The following RGSL1 variants were observed in gnomAD, a reference collection of about 807,000 sequenced individuals.
RGSL1 encodes the protein regulator of G protein signaling like 1, also known as regulator of G protein signaling protein-like.
A neutral mutation model predicts 124.7 loss-of-function variants in RGSL1; 97 were observed. The observed-to-expected ratio is 0.78, with a 90% CI of 0.66 to 0.92. RGSL1 has a LOEUF of 0.92. Among genes scored for constraint, RGSL1 ranks in the 40% least tolerant of loss-of-function variants. The pLI is 0.00. For synonymous variants in RGSL1, 424 were observed against 438.1 expected, an observed-to-expected ratio of 0.97 and a Z score of 0.40; for missense variants, 1,233 against 1,288.4, an observed-to-expected ratio of 0.96 and a Z score of 0.66.
intron 6 of RGSL1, among the ~76,000 whole-genome samples, chr1:182,486,635 A>C (rs557511794): frequency 6.6e-6 from 1 of 152,122 alleles, no homozygotes; most frequent in African/African-American, 2.4e-5. Flanking sequence ...GGTGTGAGGC[A>C]TGAGCCACTG....
At chr1:182,481,494 G>A (rs1654704617) in intron 6 of RGSL1, among the ~76,000 whole-genome samples, 1 of 152,124 alleles carries the variant, frequency 6.6e-6, no homozygotes, top group African/African-American at 2.4e-5. Flanking sequence ...TGGCGTCACT[G>A]GTGAATTCCA....
chr1:182,506,126 C>A (rs1656790533), intron 9 of RGSL1, among the ~76,000 whole-genome samples: 1 of 152,002 alleles, frequency 6.6e-6, no homozygotes. Context: ...TTTTCTATTT[C>A]TTTTTATGCC....
chr1:182,515,553 A>AAGGG (rs546420833), intron 9 of RGSL1, among the ~76,000 whole-genome samples: 3 of 109,024 alleles, frequency 2.8e-5, no homozygotes, highest in African/African-American at 1.0e-4. Flanking sequence ...AAAAAAAAAA[A>AAGGG]GGGGGGGGCG....
At chr1:182,495,720 G>A (rs980442035) in intron 9 of RGSL1, among the ~76,000 whole-genome samples, 2 of 152,158 alleles carry the variant, frequency 1.3e-5, no homozygotes, top group Admixed American at 6.5e-5. Context: ...GTCCATTCAT[G>A]AAACAGGTTC....
intron 2 of RGSL1, among the ~76,000 whole-genome samples, chr1:182,455,149 G>A (rs1652193827): frequency 6.6e-6 from 1 of 152,200 alleles, no homozygotes; most frequent in Admixed American, 6.5e-5. Context: ...GAGGCAGTGG[G>A]AGTACAGTAC....
intron 21 of RGSL1, among the ~76,000 whole-genome samples, chr1:182,556,847 T>A (rs1281481628): frequency 6.6e-6 from 1 of 152,000 alleles, no homozygotes; most frequent in East Asian, 1.9e-4. Context: ...AGAAGTAAAA[T>A]GAGTCAGAAT....
At chr1:182,465,463 T>TCACACACC (rs1465821311) in intron 4 of RGSL1, among the ~76,000 whole-genome samples, 1 of 91,882 alleles carries the variant, frequency 1.1e-5, no homozygotes, top group Non-Finnish European at 2.2e-5. Flanking sequence ...GGGCCTATCA[T>TCACACACC]GGGGTGGGGG....
At chr1:182,512,042 T>C (rs1333675075) in intron 9 of RGSL1, among the ~76,000 whole-genome samples, 2 of 152,212 alleles carry the variant, frequency 1.3e-5, no homozygotes, top group African/African-American at 2.4e-5. Flanking sequence ...TGTTCACTGT[T>C]GGTGTATATA....
intron 9 of RGSL1, among the ~76,000 whole-genome samples, chr1:182,500,413 G>A (rs764685750): frequency 1.5e-4 from 23 of 152,220 alleles, no homozygotes; most frequent in Non-Finnish European, 2.6e-4. Context: ...TGATAACTGT[G>A]TTTTATAGTA....
At chr1:182,496,463 T>C (rs1655921283) in intron 9 of RGSL1, among the ~76,000 whole-genome samples, 1 of 152,170 alleles carries the variant, frequency 6.6e-6, no homozygotes, top group African/African-American at 2.4e-5. Context: ...CAATAGCACA[T>C]TGAAGTATTT....
chr1:182,452,206 C>T (rs1651899408), intron 1 of RGSL1, among the ~76,000 whole-genome samples: 1 of 152,048 alleles, frequency 6.6e-6, no homozygotes, highest in Non-Finnish European at 1.5e-5. Context: ...GTAGAGCTGG[C>T]CCATAGCTCA....
At chr1:182,458,716 A>T (rs924427288) in intron 3 of RGSL1, among the ~76,000 whole-genome samples, 1 of 151,668 alleles carries the variant, frequency 6.6e-6, no homozygotes, top group South Asian at 2.1e-4. Flanking sequence ...CTAGCAATTC[A>T]CCCGCCTCGG....
intron 11 of RGSL1, among the ~76,000 whole-genome samples, chr1:182,529,948 T>A (rs1386554049): frequency 6.6e-6 from 1 of 152,126 alleles, no homozygotes; most frequent in African/African-American, 2.4e-5. Flanking sequence ...AAATCCAAGT[T>A]TTTCAAACCA....
chr1:182,449,705 C>T (rs185522770), upstream of RGSL1, among the ~76,000 whole-genome samples: 1 of 152,266 alleles, frequency 6.6e-6, no homozygotes, highest in East Asian at 1.9e-4. Flanking sequence ...GATCACAGCT[C>T]ACAGCAGCCT....
At position 182,474,387 on chromosome 1, in the gene RGSL1, C is replaced by T; in HGVS notation, c.1276C>T (p.His426Tyr). 4 of 1,551,992 alleles carry T rather than the reference C, an allele frequency of 2.6e-6. No homozygotes were observed. The highest frequency in any genetic ancestry group is 2.4e-5 in the East Asian group (1 of 40,918). ...AAAGAATGGGAATGCAATCTTTCGT[C>T]ACTTGCTGGGTGACAGAATCTGCGA... The part of the protein sequence containing the change: ...NKKNGNAIFR[H>Y]LLGDRICELY... Residue 426 changes from histidine (H) to tyrosine (Y), a missense_variant, in exon 6 of 22, where the codon CAC becomes TAC. Coordinates refer to ENST00000294854, the MANE Select transcript of RGSL1 (RefSeq NM_001137669.2).
chr1:182,486,780 A>G (rs562312466), intron 6 of RGSL1, among the ~76,000 whole-genome samples: 25 of 152,216 alleles, frequency 1.6e-4, no homozygotes, highest in African/African-American at 6.0e-4. Flanking sequence ...GGTTCAAGCA[A>G]TTCTCCTGCC....
chr1:182,524,497 A>G (rs1658593766), intron 10 of RGSL1, among the ~76,000 whole-genome samples: 1 of 152,246 alleles, frequency 6.6e-6, no homozygotes, highest in South Asian at 2.1e-4. Flanking sequence ...TCTCTCCATA[A>G]AAGTAAAACT....
At chr1:182,477,964 T>C (rs1654422174) in intron 6 of RGSL1, among the ~76,000 whole-genome samples, 1 of 152,212 alleles carries the variant, frequency 6.6e-6, no homozygotes, top group Admixed American at 6.5e-5. Context: ...TAATAACATT[T>C]CACTATCTGA....
At chr1:182,502,153 T>G in intron 9 of RGSL1, among the ~76,000 whole-genome samples, 1 of 152,260 alleles carries the variant, frequency 6.6e-6, no homozygotes, top group East Asian at 1.9e-4. Context: ...TGTTTGCCAA[T>G]TTTGTTATCT....
Sources: gnomAD v4.1 joint callset for allele counts (sites outside exome capture counted in the v4.1 genomes callset) on GRCh38, gnomAD v4.1.1 for gene constraint, MANE v1.5 for transcripts, NCBI Gene and HGNC (gene_info 2026-07-23, HGNC 2026-07-21) for gene names.